Variants in PCDHA11 observed in about 807,000 individuals in gnomAD.
The protein encoded by PCDHA11 is protocadherin alpha-11.
Under a neutral mutation model 70.3 loss-of-function variants are expected in PCDHA11, and 61 were observed. The observed-to-expected ratio is 0.87, with a 90% CI of 0.71 to 1.07. PCDHA11 has a LOEUF of 1.07. PCDHA11 is among the 50% of genes least tolerant of loss of function. PCDHA11 has a pLI of 0.00. For synonymous variants in PCDHA11, 633 were observed against 555.1 expected (o/e 1.14, Z -1.97); for missense variants, 1,324 against 1,237.5 (o/e 1.07, Z -1.05).
chr5:140,928,513 A>G lies in PCDHA11; in HGVS notation c.2392-50436A>G, dbSNP rs781867292. On this transcript the variant is annotated intron_variant, in intron 1 of 3. Transcript: ENST00000398640. ...TCCTCCCAGAAGTGCAACAGTGACTATAAACTTGTTTGTGGTAGATAGGAA... is the reference window on the plus strand; with the variant it reads ...TCCTCCCAGAAGTGCAACAGTGACTGTAAACTTGTTTGTGGTAGATAGGAA... 1.4e-5 allele frequency: 23 copies of G among 1,614,064 alleles called. No individual in the cohort carries two copies. In the African/African-American group the frequency reaches 2.8e-4, roughly 20 times the overall value.
chr5:140,967,935 A>G (rs186453952), intron 1 of PCDHA11: 13 of 1,614,214 alleles, frequency 8.1e-6, no homozygotes, highest in South Asian at 4.4e-5. Flanking sequence ...CTCAGTGTCA[A>G]TGACCAAGAC....
intron 1 of PCDHA11, among the ~76,000 whole-genome samples, chr5:140,872,949 C>T (rs547023229): frequency 2.0e-5 from 3 of 152,234 alleles, no homozygotes; most frequent in African/African-American, 2.4e-5. Context: ...TTTCTTTCCA[C>T]GTAGTATCAT....
At chr5:140,891,849 C>G (rs1446447359) in intron 1 of PCDHA11, among the ~76,000 whole-genome samples, 2 of 152,262 alleles carry the variant, frequency 1.3e-5, no homozygotes, top group African/African-American at 4.8e-5. Context: ...TGGAAGGAGC[C>G]TGTCCCTCTC....
At chr5:140,995,393 G>T (rs1267179638) in intron 3 of PCDHA11, among the ~76,000 whole-genome samples, 5 of 152,184 alleles carry the variant, frequency 3.3e-5, no homozygotes, top group Non-Finnish European at 7.3e-5. Flanking sequence ...GATAAAGCGG[G>T]ATGGCTCGAG....
intron 1 of PCDHA11, chr5:140,884,552 G>A (rs1554181720): frequency 6.2e-7 from 1 of 1,614,142 alleles, no homozygotes; most frequent in East Asian, 2.2e-5. Context: ...GTGCTCTGGG[G>A]AGGGCCCGCA....
chr5:140,928,623 A>G (rs1554206072), intron 1 of PCDHA11: 1 of 1,614,210 alleles, frequency 6.2e-7, no homozygotes, highest in African/African-American at 1.3e-5. Flanking sequence ...CCAGGACTGG[A>G]CACTTGGTCA....
intron 1 of PCDHA11, among the ~76,000 whole-genome samples, chr5:140,937,353 T>C (rs2091494629): frequency 6.6e-6 from 1 of 152,146 alleles, no homozygotes; most frequent in Admixed American, 6.5e-5. Context: ...ATTTATTTTA[T>C]TATTTTATCT....
At chr5:140,959,066 G>T (rs913581823) in intron 1 of PCDHA11, among the ~76,000 whole-genome samples, 81 of 152,142 alleles carry the variant, frequency 5.3e-4, no homozygotes, top group African/African-American at 1.9e-3. Flanking sequence ...AGTATATATA[G>T]AATTCAGTAT....
chr5:140,970,967 G>C (rs2096448125), intron 1 of PCDHA11, among the ~76,000 whole-genome samples: 2 of 152,206 alleles, frequency 1.3e-5, no homozygotes, highest in Non-Finnish European at 2.9e-5. Context: ...GCAGATTGTA[G>C]ATTAAGAAAA....
chr5:141,010,293 G>A lies in PCDHA11; in HGVS notation c.*356G>A. ...ATCCTGTCTTGATGACACTTGCAGG[G>A]CAGGCTGAAAAGTTTTGAGATTGAG... On this transcript the variant is annotated 3_prime_UTR_variant, in exon 4 of 4. Transcript: ENST00000398640. The A allele has an allele frequency of 6.5e-7, 1 of 1,549,794 alleles. No individual in the cohort carries two copies. The highest frequency in any genetic ancestry group is 2.4e-5 in the East Asian group (1 of 40,902).
intron 1 of PCDHA11, among the ~76,000 whole-genome samples, chr5:140,896,089 G>A (rs13174119): frequency 0.32 from 48,051 of 152,038 alleles, 7,939 homozygotes; most frequent in East Asian, 0.53. Flanking sequence ...GGGATTACAG[G>A]CGTGAGCCAC....
In PCDHA11 at chr5:140,882,469, G is replaced by C; in HGVS notation, c.2391+10975G>C. Reference sequence around the variant, plus strand: ...TGGTGCCGCGCCTGTTCCGGGTGGCGTCCAAAAGACACGGGGACCTTCTGG... The same window carrying C: ...TGGTGCCGCGCCTGTTCCGGGTGGCCTCCAAAAGACACGGGGACCTTCTGG... On this transcript the variant is annotated intron_variant, in intron 1 of 3. Coordinates refer to ENST00000398640, the MANE Select transcript of PCDHA11 (RefSeq NM_018902.5). The C allele has an allele frequency of 1.2e-6, 2 of 1,614,032 alleles. 1 individual carries two copies. Among genetic ancestry groups the C allele is most frequent in the South Asian group, 2.2e-5 (2 of 91,072 alleles).
intron 1 of PCDHA11, among the ~76,000 whole-genome samples, chr5:140,914,884 CCTG>C (rs2153531970): frequency 6.6e-6 from 1 of 151,782 alleles, no homozygotes; most frequent in East Asian, 1.9e-4. Flanking sequence ...ACTGTATCCT[CCTG>C]CTTTTAACTT....
chr5:140,927,972 T>C, intron 1 of PCDHA11: 1 of 1,614,190 alleles, frequency 6.2e-7, no homozygotes, highest in Non-Finnish European at 8.5e-7. Context: ...CAGTGATTGC[T>C]CTCTTTAGTG....
rs372058384 is a variant in PCDHA11, at chr5:140,875,718, C to T, written c.2391+4224C>T. ...TTCTGGAGGTAAATCTGCAGAATGGCATTTTGTTTGTGAATTCTCGGATCG... is the reference window on the plus strand; with the variant it reads ...TTCTGGAGGTAAATCTGCAGAATGGTATTTTGTTTGTGAATTCTCGGATCG... On this transcript the variant is annotated intron_variant, in intron 1 of 3. Coordinates refer to ENST00000398640, the MANE Select transcript of PCDHA11 (RefSeq NM_018902.5). 2.4e-5 allele frequency: 38 copies of T among 1,614,182 alleles called. 1 individual carries two copies. The highest frequency in any genetic ancestry group is 2.7e-5 in the Non-Finnish European group (32 of 1,180,048).
In PCDHA11 at chr5:140,871,158, C is replaced by G. The variant is rs2052764728; in HGVS notation, c.2055C>G (p.Ala685=). Reference sequence around the variant, plus strand: ...CCTCTTCCCGGACTTTGGCGGGCGCCGCGAGCCCAGAGGCTGCGCTGGTGG... The same window carrying G: ...CCTCTTCCCGGACTTTGGCGGGCGCGGCGAGCCCAGAGGCTGCGCTGGTGG... ...PKASSRTLAG[A]ASPEAALVDV... is the part of the protein sequence containing the mutation. Residue 685 remains alanine (A), a synonymous_variant, in exon 1 of 4, where the codon GCC becomes GCG. Coordinates refer to ENST00000398640, the MANE Select transcript of PCDHA11 (RefSeq NM_018902.5). The G allele has an allele frequency of 1.2e-5, 20 of 1,613,444 alleles. No individual in the cohort carries two copies. The highest frequency in any genetic ancestry group is 1.6e-5 in the Non-Finnish European group (19 of 1,179,936).
intron 1 of PCDHA11, among the ~76,000 whole-genome samples, chr5:140,908,378 C>T (rs951348145): frequency 2.6e-5 from 4 of 152,126 alleles, no homozygotes; most frequent in Admixed American, 6.6e-5. Context: ...AGGACCTGCT[C>T]GAGCCCGATC....
At chr5:140,974,731 C>T (rs2096638633) in intron 1 of PCDHA11, among the ~76,000 whole-genome samples, 1 of 152,140 alleles carries the variant, frequency 6.6e-6, no homozygotes, top group Non-Finnish European at 1.5e-5. Context: ...GAACTCCTGT[C>T]TCCACCTTGG....
Position 141,011,060 on chromosome 5 carries a change from A to G in PCDHA11, c.*1123A>G, listed in dbSNP as rs1588257572. On this transcript the variant is annotated 3_prime_UTR_variant, in exon 4 of 4. Coordinates refer to ENST00000398640, the MANE Select transcript of PCDHA11 (RefSeq NM_018902.5). ...AGGTCACTCTGGGGCTGCCTCTTGC[A>G]TGTATTACTAAATAAAATGATCTCT... is the stretch of plus-strand genomic sequence containing the variant. 1.3e-5 allele frequency: 2 copies of G among 153,758 alleles called. No individual in the cohort carries two copies. Among genetic ancestry groups the G allele is most frequent in the Non-Finnish European group, 2.9e-5 (2 of 68,046 alleles). The allele number at this position is 153,758 out of a possible 1,614,324, so 9.5% of individuals were successfully genotyped here. A position where few individuals can be genotyped will look rare whatever the true frequency, so the allele number is the denominator to read the frequency against.
Sources: allele counts gnomAD v4.1 joint callset (sites outside exome capture counted in the v4.1 genomes callset), GRCh38; gene constraint gnomAD v4.1.1; transcripts MANE v1.5; gene names NCBI Gene and HGNC (gene_info 2026-07-23, HGNC 2026-07-21).